Variants in RARB observed in about 807,000 individuals in gnomAD.
RARB encodes the protein retinoic acid receptor beta, also known as HBV-activated protein.
A neutral mutation model predicts 51.9 loss-of-function variants in RARB; 17 were observed. That is an observed-to-expected ratio of 0.33 (90% confidence interval 0.22 to 0.49). The LOEUF (loss-of-function observed/expected upper bound fraction) is 0.49. Among genes scored for constraint, RARB ranks in the 20% least tolerant of loss-of-function variants. The pLI is 0.99. For synonymous variants in RARB, 215 were observed against 195.4 expected (o/e 1.10, Z -0.84); for missense variants, 369 against 550.8 (o/e 0.67, Z 3.30).
chr3:25,213,226 C>T (rs1174434429), intron 5 of RARB, among the ~76,000 whole-genome samples: 1 of 152,156 alleles, frequency 6.6e-6, no homozygotes, highest in Non-Finnish European at 1.5e-5. Context: ...CCACTTTCTT[C>T]CCTATTCCCC....
At chr3:25,593,030 A>G (rs999784453) in intron 5 of RARB, among the ~76,000 whole-genome samples, 1 of 152,200 alleles carries the variant, frequency 6.6e-6, no homozygotes, top group African/African-American at 2.4e-5. Context: ...TTGTAAAATA[A>G]GAATAATATT....
chr3:25,069,405 C>G (rs1180661332), intron 3 of RARB, among the ~76,000 whole-genome samples: 2 of 152,194 alleles, frequency 1.3e-5, no homozygotes, highest in Non-Finnish European at 2.9e-5. Context: ...CTTTCCCAGA[C>G]AGTTTGACAT....
intron 3 of RARB, among the ~76,000 whole-genome samples, chr3:25,109,716 G>C (rs961840367): frequency 6.6e-6 from 1 of 152,136 alleles, no homozygotes; most frequent in African/African-American, 2.4e-5. Context: ...CAAAAAGCAG[G>C]TTTGCTTCCC....
chr3:25,362,506 G>A (rs1228582862), intron 5 of RARB, among the ~76,000 whole-genome samples: 2 of 152,182 alleles, frequency 1.3e-5, no homozygotes, highest in African/African-American at 2.4e-5. Flanking sequence ...TGGCATTCCA[G>A]GCGCCACAGG....
chr3:25,589,029 T>C (rs1225868269), intron 5 of RARB, among the ~76,000 whole-genome samples: 1 of 152,188 alleles, frequency 6.6e-6, no homozygotes, highest in Non-Finnish European at 1.5e-5. Context: ...ATCAAAGAAT[T>C]TGCACACATA....
chr3:25,403,513 G>A (rs1707321490), intron 5 of RARB, among the ~76,000 whole-genome samples: 1 of 152,156 alleles, frequency 6.6e-6, no homozygotes. Context: ...AGAGAATGAA[G>A]CACTAGTGTT....
intron 2 of RARB, among the ~76,000 whole-genome samples, chr3:24,913,871 G>C (rs1390004114): frequency 6.6e-6 from 1 of 152,182 alleles, no homozygotes; most frequent in Non-Finnish European, 1.5e-5. Flanking sequence ...CCAGCACTTA[G>C]TGACATTCGG....
intron 3 of RARB, among the ~76,000 whole-genome samples, chr3:25,114,766 G>A (rs956721041): frequency 1.1e-4 from 17 of 152,170 alleles, no homozygotes; most frequent in Non-Finnish European, 1.8e-4. Context: ...GGCAAGATCA[G>A]GAAAGCTCTA....
At chr3:25,112,064 A>C (rs1380616629) in intron 3 of RARB, among the ~76,000 whole-genome samples, 2 of 152,198 alleles carry the variant, frequency 1.3e-5, no homozygotes, top group East Asian at 3.9e-4. Context: ...CCCCACAGAT[A>C]GTAGGCAGCT....
chr3:24,874,304 C>A (rs182462186), intron 2 of RARB, among the ~76,000 whole-genome samples: 1 of 152,132 alleles, frequency 6.6e-6, no homozygotes, highest in African/African-American at 2.4e-5. Context: ...GAAATATATA[C>A]TGTTTTGTGC....
chr3:24,904,224 A>G (rs1253335836), intron 2 of RARB, among the ~76,000 whole-genome samples: 1 of 152,214 alleles, frequency 6.6e-6, no homozygotes, highest in Admixed American at 6.5e-5. Context: ...GACCATTTTG[A>G]GTATTACATG....
chr3:25,145,794 G>A (rs577797531), intron 4 of RARB, among the ~76,000 whole-genome samples: 25 of 151,952 alleles, frequency 1.6e-4, no homozygotes, highest in Non-Finnish European at 2.8e-4. Context: ...TCAGGAGTTC[G>A]AGACCAGCCT....
chr3:24,886,037 G>A (rs2077095958), intron 2 of RARB, among the ~76,000 whole-genome samples: 1 of 152,122 alleles, frequency 6.6e-6, no homozygotes, highest in African/African-American at 2.4e-5. Context: ...TGAGAGCTCA[G>A]CCCATATACT....
chr3:24,860,481 C>G (rs1470094157), intron 2 of RARB, among the ~76,000 whole-genome samples: 1 of 152,126 alleles, frequency 6.6e-6, no homozygotes, highest in Non-Finnish European at 1.5e-5. Flanking sequence ...GGGTTCCTTT[C>G]AAACACACGG....
intron 4 of RARB, 65 bp from the exon 5 acceptor site, chr3:25,580,481 G>T (rs1701127857): frequency 1.0e-5 from 14 of 1,392,324 alleles, no homozygotes; most frequent in Admixed American, 2.0e-5. Context: ...GAAACACATT[G>T]AATTTCTCCC....
At chr3:25,066,534 C>G in intron 3 of RARB, among the ~76,000 whole-genome samples, 1 of 152,138 alleles carries the variant, frequency 6.6e-6, no homozygotes, top group African/African-American at 2.4e-5. Context: ...CTATGTCAGT[C>G]GCCTTTGACA....
intron 5 of RARB, among the ~76,000 whole-genome samples, chr3:25,196,658 A>G (rs1701246614): frequency 6.6e-6 from 1 of 152,166 alleles, no homozygotes; most frequent in South Asian, 2.1e-4. Flanking sequence ...TGTCTTCCAC[A>G]ATGGTTGAAC....
rs1159957104 is a variant in RARB, at chr3:25,015,760, C to T, written c.-379-44365C>T. Among the ~76,000 whole-genome samples the T allele has an allele frequency of 4.6e-5, 7 of 152,262 alleles. No individual in the cohort carries two copies. The South Asian group carries it at 1.5e-3, about 32-fold the overall frequency. On this transcript the variant is annotated intron_variant, in intron 2 of 11. Transcript: ENST00000383772. ...AGGAAGTAGATTTAGTGCTTTTAGA[C>T]TATATGCATGTGAATATGAACTGCC...
intron 3 of RARB, among the ~76,000 whole-genome samples, chr3:25,525,872 C>T (rs1698623954): frequency 6.6e-6 from 1 of 152,066 alleles, no homozygotes; most frequent in African/African-American, 2.4e-5. Context: ...AGTGAGCAGG[C>T]AGATATCAAA....
Sources: allele counts gnomAD v4.1 joint callset (sites outside exome capture counted in the v4.1 genomes callset), GRCh38; gene constraint gnomAD v4.1.1; transcripts MANE v1.5; gene names NCBI Gene and HGNC (gene_info 2026-07-23, HGNC 2026-07-21).